The following DLG2 variants were observed in gnomAD, a reference collection of about 807,000 sequenced individuals.
DLG2 encodes the protein disks large homolog 2.
In DLG2, 45 loss-of-function variants were observed where a neutral mutation model predicts 132.5. That is an observed-to-expected ratio of 0.34 (90% confidence interval 0.27 to 0.44). The LOEUF (loss-of-function observed/expected upper bound fraction) is 0.44, where lower values mean the gene tolerates loss of function less well. DLG2 is among the 20% of genes least tolerant of loss of function. DLG2 has a pLI of 1.00. For synonymous variants in DLG2, 424 were observed against 419.6 expected, an observed-to-expected ratio of 1.01 and a Z score of -0.13; for missense variants, 1,045 against 1,196.9, an observed-to-expected ratio of 0.87 and a Z score of 1.87.
At chr11:84,496,083 C>T (rs1241433073) in intron 7 of DLG2, among the ~76,000 whole-genome samples, 1 of 152,112 alleles carries the variant, frequency 6.6e-6, no homozygotes, top group African/African-American at 2.4e-5. Flanking sequence ...AACTGAGCAG[C>T]TGTGTGTAGG....
intron 7 of DLG2, among the ~76,000 whole-genome samples, chr11:84,410,802 T>C (rs955125872): frequency 6.6e-6 from 1 of 152,002 alleles, no homozygotes; most frequent in Non-Finnish European, 1.5e-5. Flanking sequence ...CTGGTCTCGA[T>C]CTGCTGATCT....
intron 7 of DLG2, among the ~76,000 whole-genome samples, chr11:84,340,883 G>C (rs943643647): frequency 6.6e-6 from 1 of 152,174 alleles, no homozygotes; most frequent in Non-Finnish European, 1.5e-5. Flanking sequence ...AGAGAGATGG[G>C]AAATAGGGAA....
intron 6 of DLG2, among the ~76,000 whole-genome samples, chr11:84,740,561 G>T (rs2064473356): frequency 6.6e-6 from 1 of 152,242 alleles, no homozygotes; most frequent in Non-Finnish European, 1.5e-5. Flanking sequence ...CCTCTGGAGT[G>T]CATCCTCCTC....
chr11:85,464,007 C>CACACACACACACACAT (rs1555141441), intron 3 of DLG2, among the ~76,000 whole-genome samples: 29 of 148,846 alleles, frequency 1.9e-4, no homozygotes, highest in Middle Eastern at 3.5e-3. Flanking sequence ...CACACACATA[C>CACACACACACACACAT]ACACACACAC....
At chr11:83,469,145 A>G in intron 25 of DLG2, 56 bp downstream of exon 25, 1 of 1,339,332 alleles carries the variant, frequency 7.5e-7, no homozygotes, top group Non-Finnish European at 1.0e-6. Context: ...AAAAAAATGC[A>G]GTTTGCAACC....
chr11:84,323,125 G>A (rs999811222), intron 7 of DLG2, among the ~76,000 whole-genome samples: 10 of 151,890 alleles, frequency 6.6e-5, no homozygotes, highest in African/African-American at 2.4e-4. Flanking sequence ...TAAGCACAAG[G>A]TTGTAAAGCA....
chr11:84,362,664 C>T (rs575911907), intron 7 of DLG2, among the ~76,000 whole-genome samples: 5 of 152,198 alleles, frequency 3.3e-5, no homozygotes, highest in Middle Eastern at 3.4e-3. Flanking sequence ...CCCCACTCCC[C>T]CCACCTCACA....
chr11:83,524,197 T>C (rs1238346549), intron 21 of DLG2, among the ~76,000 whole-genome samples: 3 of 152,236 alleles, frequency 2.0e-5, no homozygotes, highest in Non-Finnish European at 4.4e-5. Flanking sequence ...AGATAAGTTA[T>C]GATAATTGAT....
At chr11:83,902,727 CT>C (rs1200890807) in intron 15 of DLG2, among the ~76,000 whole-genome samples, 3 of 152,084 alleles carry the variant, frequency 2.0e-5, no homozygotes, top group African/African-American at 7.2e-5. Flanking sequence ...GGAACCCTTC[CT>C]AATCCCCAGG....
chr11:83,839,822 C>T (rs1595222489), intron 16 of DLG2, among the ~76,000 whole-genome samples: 1 of 152,320 alleles, frequency 6.6e-6, no homozygotes, highest in Non-Finnish European at 1.5e-5. Context: ...TGGTTCAATA[C>T]CGCATTCCAT....
intron 9 of DLG2, among the ~76,000 whole-genome samples, chr11:84,127,410 A>G (rs1367343618): frequency 2.0e-5 from 3 of 152,168 alleles, no homozygotes; most frequent in Non-Finnish European, 4.4e-5. Flanking sequence ...TTAGTGCTCT[A>G]AATAATAATT....
At chr11:84,001,966 G>T (rs1377853434) in intron 11 of DLG2, among the ~76,000 whole-genome samples, 3 of 151,984 alleles carry the variant, frequency 2.0e-5, no homozygotes, top group Non-Finnish European at 4.4e-5. Flanking sequence ...GAATTTTATA[G>T]CAATAAACAT....
At chr11:85,306,004 C>G (rs2079917983) in intron 3 of DLG2, among the ~76,000 whole-genome samples, 1 of 152,156 alleles carries the variant, frequency 6.6e-6, no homozygotes, top group Non-Finnish European at 1.5e-5. Flanking sequence ...GGGTTTGAGT[C>G]CCAGCTCTGC....
intron 3 of DLG2, among the ~76,000 whole-genome samples, chr11:85,438,584 A>C (rs749018015): frequency 2.6e-5 from 4 of 152,240 alleles, no homozygotes; most frequent in Non-Finnish European, 4.4e-5. Context: ...GAAATATTTC[A>C]TAAAACTATA....
intron 3 of DLG2, among the ~76,000 whole-genome samples, chr11:85,511,027 G>A (rs1369272385): frequency 6.6e-6 from 1 of 151,898 alleles, no homozygotes; most frequent in Non-Finnish European, 1.5e-5. Context: ...ATACACCATG[G>A]AATACTATGC....
chr11:85,414,395 C>A (rs2089627515), intron 3 of DLG2, among the ~76,000 whole-genome samples: 1 of 151,856 alleles, frequency 6.6e-6, no homozygotes, highest in Admixed American at 6.6e-5. Context: ...TTTATCTCTT[C>A]CTCTTGTCTG....
intron 18 of DLG2, among the ~76,000 whole-genome samples, chr11:83,785,847 G>A (rs1006457015): frequency 2.0e-5 from 3 of 152,182 alleles, no homozygotes; most frequent in African/African-American, 7.2e-5. Context: ...ATGTTCAGCT[G>A]TTTAATACTC....
At chr11:84,341,004 T>C (rs1231573970) in intron 7 of DLG2, among the ~76,000 whole-genome samples, 1 of 152,162 alleles carries the variant, frequency 6.6e-6, no homozygotes, top group African/African-American at 2.4e-5. Context: ...CAAATATTTC[T>C]GAGTAGTTTA....
intron 3 of DLG2, among the ~76,000 whole-genome samples, chr11:85,497,945 G>T (rs535091041): frequency 6.6e-6 from 1 of 152,294 alleles, no homozygotes; most frequent in African/African-American, 2.4e-5. Context: ...AACATGGATA[G>T]GAACAACTGG....
Sources: allele counts gnomAD v4.1 joint callset (sites outside exome capture counted in the v4.1 genomes callset), GRCh38; gene constraint gnomAD v4.1.1; transcripts MANE v1.5; gene names NCBI Gene and HGNC (gene_info 2026-07-23, HGNC 2026-07-21).